DAAM1: variants seen among roughly 807,000 people sequenced by gnomAD.
DAAM1 encodes the protein dishevelled associated activator of morphogenesis 1.
DAAM1 carries 52 observed loss-of-function variants against 130.0 expected under a neutral mutation model. That is an observed-to-expected ratio of 0.40 (90% CI 0.32 to 0.50). DAAM1 has a LOEUF of 0.50. Ranked by LOEUF, DAAM1 falls within the 20% of genes least tolerant of loss-of-function variation. The probability of loss-of-function intolerance (pLI) is 0.61; values close to 1 mark genes in which losing one functional copy is unlikely to be tolerated. For synonymous variants in DAAM1, 452 were observed against 444.5 expected (o/e 1.02, Z -0.21); for missense variants, 1,134 against 1,303.8 (o/e 0.87, Z 2.01).
At chr14:59,309,579 G>T (rs1457223301) in intron 3 of DAAM1, among the ~76,000 whole-genome samples, 2 of 152,138 alleles carry the variant, frequency 1.3e-5, no homozygotes, top group Non-Finnish European at 2.9e-5. Context: ...CTGAAATGTG[G>T]CATTGCCTAT....
At position 59,244,380 on chromosome 14, in the gene DAAM1, C is replaced by G. The variant is rs566818703; in HGVS notation, c.-37-19061C>G. On this transcript the variant is annotated intron_variant, in intron 1 of 24. Transcript: ENST00000360909. ...ATGAGATGGAAAAACAGACCACCCCCTCTACAACATACACTCACTCCCATG... is the reference window on the plus strand; with the variant it reads ...ATGAGATGGAAAAACAGACCACCCCGTCTACAACATACACTCACTCCCATG... Among the ~76,000 whole-genome samples, 6 of 152,304 alleles carry G rather than the reference C, an allele frequency of 3.9e-5. No individual in the cohort carries two copies. The South Asian group carries it at 1.2e-3, about 32-fold the overall frequency.
At chr14:59,365,622 A>G (rs1376034425) in intron 23 of DAAM1, among the ~76,000 whole-genome samples, 5 of 152,364 alleles carry the variant, frequency 3.3e-5, no homozygotes, top group Admixed American at 6.5e-5. Flanking sequence ...TTAAAAATAA[A>G]TGTTGAAAAT....
intron 23 of DAAM1, among the ~76,000 whole-genome samples, chr14:59,365,583 A>ATATAAATATAAGCCAATACTTGTTTT (rs1374504732): frequency 6.6e-6 from 1 of 152,222 alleles, no homozygotes; most frequent in Non-Finnish European, 1.5e-5. Context: ...TGTAAAATAT[A>ATATAAATATAAGCCAATACTTGTTTT]TATAAATATA....
In DAAM1 at chr14:59,347,602, G is replaced by A. The variant is rs1886133209; in HGVS notation, c.2139G>A (p.Leu713=). The stretch of plus-strand genomic sequence containing the variant: ...TAACAATGGACGAACAGGAAGATCT[G>A]CCCAAGGACATGTTGGAACAGGTGA... ...AILTMDEQED[L]PKDMLEQLLK... Residue 713 remains leucine (L), a synonymous_variant, in exon 17 of 25, where the codon CTG becomes CTA. Transcript: ENST00000360909. 8 of 1,613,840 alleles carry A rather than the reference G, an allele frequency of 5.0e-6. No homozygotes were observed. Among genetic ancestry groups the A allele is most frequent in the Non-Finnish European group, 6.8e-6 (8 of 1,179,848 alleles).
At chr14:59,364,593 CT>C (rs1886839485) in intron 23 of DAAM1, among the ~76,000 whole-genome samples, 1 of 151,746 alleles carries the variant, frequency 6.6e-6, no homozygotes, top group South Asian at 2.1e-4. Flanking sequence ...CCCATTGGTT[CT>C]TTTACTCTAC....
At chr14:59,232,601 C>CT (rs528394303) in intron 1 of DAAM1, among the ~76,000 whole-genome samples, 17 of 148,212 alleles carry the variant, frequency 1.1e-4, no homozygotes, top group Non-Finnish European at 1.5e-4. Flanking sequence ...TATTGCATTT[C>CT]TTTTTTTTTC....
chr14:59,368,040 C>A (rs1886990310), intron 24 of DAAM1, among the ~76,000 whole-genome samples: 1 of 151,868 alleles, frequency 6.6e-6, no homozygotes, highest in South Asian at 2.1e-4. Context: ...TACATGAAAT[C>A]TTTTTCTGTT....
intron 22 of DAAM1, among the ~76,000 whole-genome samples, chr14:59,361,458 G>C (rs1044517541): frequency 4.4e-4 from 67 of 152,304 alleles, no homozygotes; most frequent in African/African-American, 1.5e-3. Flanking sequence ...GTGCTTTGGA[G>C]GCATGAGGAA....
chr14:59,316,434 T>G (rs1358168981), intron 4 of DAAM1, among the ~76,000 whole-genome samples: 1 of 152,222 alleles, frequency 6.6e-6, no homozygotes, highest in Non-Finnish European at 1.5e-5. Context: ...GCTTTTTTCT[T>G]ACAAGATGCT....
chr14:59,246,560 A>G (rs904751255), intron 1 of DAAM1, among the ~76,000 whole-genome samples: 1 of 152,186 alleles, frequency 6.6e-6, no homozygotes, highest in Non-Finnish European at 1.5e-5. Flanking sequence ...TCTTTTGGAT[A>G]TATTCCCAGA....
At position 59,310,092 on chromosome 14, in the gene DAAM1, T is replaced by C. The variant is rs140130360; in HGVS notation, c.274-5188T>C. Among the ~76,000 whole-genome samples, 5 of 148,984 alleles carry C rather than the reference T, an allele frequency of 3.4e-5. No individual in the cohort carries two copies. The South Asian group carries it at 6.4e-4, about 19-fold the overall frequency. ...GGGATTGGACTGGTGTTACCTAGAATAGTAGTGACAAATTTTTTCCTTTTT... is the reference window on the plus strand; with the variant it reads ...GGGATTGGACTGGTGTTACCTAGAACAGTAGTGACAAATTTTTTCCTTTTT... On this transcript the variant is annotated intron_variant, in intron 3 of 24. Transcript: ENST00000360909.
chr14:59,227,511 C>T (rs1470854743), intron 1 of DAAM1, among the ~76,000 whole-genome samples: 2 of 152,138 alleles, frequency 1.3e-5, no homozygotes, highest in East Asian at 3.9e-4. Context: ...TAATTTGTTC[C>T]AACACCTAAT....
In DAAM1 at chr14:59,253,633, G is replaced by T. The variant is rs565752305; in HGVS notation, c.-37-9808G>T. ...CCAAGAGCCATTTTTCTCCACAGAA[G>T]CCTGTGTAGAAATAAAAATTATACC... On this transcript the variant is annotated intron_variant, in intron 1 of 24. Transcript: ENST00000360909. Among the ~76,000 whole-genome samples the T allele has an allele frequency of 1.6e-3, 248 of 152,272 alleles. 3 individuals are homozygous for T. Among genetic ancestry groups the T allele is most frequent in the Non-Finnish European group, 4.0e-4 (27 of 68,030 alleles).
intron 1 of DAAM1, among the ~76,000 whole-genome samples, chr14:59,196,303 G>C (rs1003026696): frequency 2.0e-5 from 3 of 152,200 alleles, no homozygotes; most frequent in Non-Finnish European, 2.9e-5. Flanking sequence ...GTTCATATGT[G>C]CCTAAGCTTA....
At chr14:59,261,203 T>C (rs1882145137) in intron 1 of DAAM1, among the ~76,000 whole-genome samples, 1 of 152,156 alleles carries the variant, frequency 6.6e-6, no homozygotes, top group Non-Finnish European at 1.5e-5. Context: ...GACCCTGTTT[T>C]CCATATTCTG....
At chr14:59,311,445 C>T (rs1286919976) in intron 3 of DAAM1, among the ~76,000 whole-genome samples, 2 of 151,702 alleles carry the variant, frequency 1.3e-5, no homozygotes, top group East Asian at 1.9e-4. Context: ...TCAAACAAAG[C>T]AAAGCTCTTG....
intron 1 of DAAM1, among the ~76,000 whole-genome samples, chr14:59,223,776 G>T (rs1299407935): frequency 1.3e-5 from 2 of 152,158 alleles, no homozygotes; most frequent in African/African-American, 2.4e-5. Context: ...ATAACAACTT[G>T]TACTTCATCT....
intron 1 of DAAM1, among the ~76,000 whole-genome samples, chr14:59,231,720 G>A (rs1227170075): frequency 6.6e-6 from 1 of 152,058 alleles, no homozygotes; most frequent in Non-Finnish European, 1.5e-5. Flanking sequence ...ACTTGATGAG[G>A]AATCCATTGG....
Position 59,263,631 on chromosome 14 carries a change from G to C in DAAM1, c.154G>C (p.Glu52Gln). 1 of 1,614,202 alleles carries C rather than the reference G, an allele frequency of 6.2e-7. No individual in the cohort carries two copies. Among genetic ancestry groups the C allele is most frequent in the South Asian group, 1.1e-5 (1 of 91,090 alleles). Residue 52 changes from glutamate to glutamine, a missense_variant, in exon 2 of 25, where the codon GAG (glutamate) becomes CAG (glutamine). Physicochemically the swap from Glu to Gln is conservative, Grantham distance 29. Transcript: ENST00000360909. ...AGCATTGCCCATGCCCCCTGTGGAG[G>C]AGCTGGATGTCATGTTCAGTGAACT... ...EPALPMPPVE[E>Q]LDVMFSELVD...
Sources: allele counts gnomAD v4.1 joint callset (sites outside exome capture counted in the v4.1 genomes callset), GRCh38; gene constraint gnomAD v4.1.1; transcripts MANE v1.5; gene names NCBI Gene and HGNC (gene_info 2026-07-23, HGNC 2026-07-21).